Variants in IQCK observed in about 807,000 individuals in gnomAD.
IQCK encodes IQ motif containing K.
A neutral mutation model predicts 28.1 loss-of-function variants in IQCK; 29 were observed. The ratio of observed to expected loss-of-function variants is 1.03; its 90% CI spans 0.77 to 1.41. The LOEUF (loss-of-function observed/expected upper bound fraction) is 1.41. IQCK is among the 40% of genes most tolerant of loss of function. The pLI is 0.00. For missense variants in IQCK, 359 were observed against 314.7 expected (o/e 1.14, Z -1.07); for synonymous variants, 113 against 115.1 (o/e 0.98, Z 0.12).
chr16:19,765,676 GT>G (rs1176699081), intron 6 of IQCK, among the ~76,000 whole-genome samples: 5 of 151,610 alleles, frequency 3.3e-5, no homozygotes, highest in East Asian at 1.9e-4. Flanking sequence ...ATATTAACCA[GT>G]TTTTTTTTAA....
exon 2 of IQCK, chr16:19,730,493 C>A: frequency 6.2e-7 from 1 of 1,604,874 alleles, no homozygotes; most frequent in Non-Finnish European, 8.5e-7. Context: ...CCTGTGATTA[C>A]GGTGAGTATT....
At chr16:19,857,290 C>A (rs539290457) in exon 10 of IQCK, 9 of 346,516 alleles carry the variant, frequency 2.6e-5, no homozygotes, top group Non-Finnish European at 4.3e-5. Flanking sequence ...AGCTACCACA[C>A]GTCTTAAGTA....
chr16:19,783,472 T>C (rs1305545997), intron 6 of IQCK, among the ~76,000 whole-genome samples: 3 of 152,164 alleles, frequency 2.0e-5, no homozygotes, highest in South Asian at 2.1e-4. Context: ...TTAAGCACTT[T>C]AAGGCCTCAG....
intron 6 of IQCK, among the ~76,000 whole-genome samples, chr16:19,769,548 C>T (rs1281412993): frequency 1.3e-5 from 2 of 152,182 alleles, no homozygotes; most frequent in African/African-American, 4.8e-5. Flanking sequence ...TTGGTCCAGT[C>T]ACAGGAAACC....
At chr16:19,785,092 T>C (rs2055544811) in intron 6 of IQCK, among the ~76,000 whole-genome samples, 1 of 152,014 alleles carries the variant, frequency 6.6e-6, no homozygotes, top group Admixed American at 6.6e-5. Context: ...TGAATGGAGA[T>C]CAGAAGCAGT....
At chr16:19,833,959 A>T (rs1282621189) in intron 9 of IQCK, among the ~76,000 whole-genome samples, 3 of 151,900 alleles carry the variant, frequency 2.0e-5, no homozygotes, top group Admixed American at 6.6e-5. Flanking sequence ...GTGCTAGCAC[A>T]CTCCTGTAGT....
intron 4 of IQCK, among the ~76,000 whole-genome samples, chr16:19,758,308 T>C (rs2055082425): frequency 6.6e-6 from 1 of 152,230 alleles, no homozygotes; most frequent in African/African-American, 2.4e-5. Context: ...TCCACATGTC[T>C]GGGTATGCAC....
At chr16:19,830,820 A>C (rs544491128), downstream of IQCK, among the ~76,000 whole-genome samples, 6 of 152,296 alleles carry the variant, frequency 3.9e-5, no homozygotes, top group East Asian at 1.2e-3. Context: ...ATCTCGTACA[A>C]GTGTTATTAC....
chr16:19,843,568 A>G (rs2056384245), intron 9 of IQCK, among the ~76,000 whole-genome samples: 2 of 152,250 alleles, frequency 1.3e-5, no homozygotes, highest in Admixed American at 6.5e-5. Flanking sequence ...TACAGCTTGT[A>G]TTAGTCAGCT....
At chr16:19,733,732 T>A (rs1268901394) in exon 3 of IQCK, 2 of 1,614,244 alleles carry the variant, frequency 1.2e-6, no homozygotes, top group East Asian at 4.5e-5. Context: ...TTTCATGGCT[T>A]CAGTGCAGAG....
chr16:19,848,352 T>C (rs2056437385), intron 9 of IQCK, among the ~76,000 whole-genome samples: 1 of 152,226 alleles, frequency 6.6e-6, no homozygotes, highest in South Asian at 2.1e-4. Flanking sequence ...GCCAGAATGA[T>C]GTTTAAAGAA....
At chr16:19,724,309 A>G (rs951024622) in intron 1 of IQCK, among the ~76,000 whole-genome samples, 14 of 151,978 alleles carry the variant, frequency 9.2e-5, no homozygotes, top group African/African-American at 3.1e-4. Flanking sequence ...CTACAGCAAT[A>G]CTTTCACTTA....
At chr16:19,809,782 G>A (rs890551535) in intron 7 of IQCK, among the ~76,000 whole-genome samples, 5 of 152,190 alleles carry the variant, frequency 3.3e-5, no homozygotes, top group East Asian at 1.9e-4. Context: ...TTAACACACA[G>A]CCGATGGGCC....
chr16:19,720,344 G>A (rs1245058759), intron 1 of IQCK, among the ~76,000 whole-genome samples: 1 of 152,186 alleles, frequency 6.6e-6, no homozygotes, highest in African/African-American at 2.4e-5. Context: ...ATAATTTGAC[G>A]GTAGTTATTG....
At chr16:19,840,083 G>A (rs1014446951) in intron 9 of IQCK, among the ~76,000 whole-genome samples, 4 of 151,790 alleles carry the variant, frequency 2.6e-5, no homozygotes, top group African/African-American at 9.7e-5. Flanking sequence ...ATATATAAAT[G>A]GATAAAGACC....
intron 6 of IQCK, chr16:19,765,988 GA>G (rs2055230719): frequency 6.6e-6 from 1 of 152,158 alleles, no homozygotes; most frequent in Non-Finnish European, 1.5e-5. Context: ...AAATGGTGCT[GA>G]TGTCCACAGG....
At position 19,820,124 on chromosome 16, in the gene IQCK, T is replaced by C. The variant is rs557221307; in HGVS notation, c.691-6902T>C. On this transcript the variant is annotated intron_variant, in intron 7 of 7. Coordinates refer to ENST00000564186, the Ensembl canonical transcript of IQCK. The stretch of plus-strand genomic sequence containing the variant: ...TCAAAGAGCTACACTACCCAACTCT[T>C]AGAAGAAAACATAGGGATAAATCTT... 4.6e-5 allele frequency among the ~76,000 whole-genome samples: 7 copies of C among 152,220 alleles called. No individual in the cohort carries two copies. In the South Asian group the frequency reaches 1.5e-3, roughly 32 times the overall value.
chr16:19,853,274 C>T (rs2056509466), intron 9 of IQCK, among the ~76,000 whole-genome samples: 1 of 152,142 alleles, frequency 6.6e-6, no homozygotes, highest in Non-Finnish European at 1.5e-5. Flanking sequence ...CTCCACGTCA[C>T]ACCTTGATTT....
At chr16:19,768,130 T>A (rs2055268868) in intron 6 of IQCK, among the ~76,000 whole-genome samples, 1 of 151,632 alleles carries the variant, frequency 6.6e-6, no homozygotes, top group Non-Finnish European at 1.5e-5. Flanking sequence ...AATAATATAA[T>A]TGAGCCATTG....
Sources: gnomAD v4.1 joint callset for allele counts (sites outside exome capture counted in the v4.1 genomes callset) on GRCh38, gnomAD v4.1.1 for gene constraint, MANE v1.5 for transcripts, NCBI Gene and HGNC (gene_info 2026-07-23, HGNC 2026-07-21) for gene names.